Variants in FHOD3 observed in about 807,000 individuals in gnomAD.
FHOD3 encodes FH1/FH2 domain-containing protein 3.
Under a neutral mutation model 173.0 loss-of-function variants are expected in FHOD3, and 90 were observed. The observed-to-expected ratio is 0.52, with a 90% CI of 0.44 to 0.62. FHOD3 has a LOEUF of 0.62. Ranked by LOEUF, FHOD3 falls within the 20% of genes least tolerant of loss-of-function variation. The pLI is 0.00. For missense variants in FHOD3, 1,945 were observed against 2,034.7 expected, an observed-to-expected ratio of 0.96 and a Z score of 0.85; for synonymous variants, 828 against 823.0, an observed-to-expected ratio of 1.01 and a Z score of -0.10.
intron 10 of FHOD3, among the ~76,000 whole-genome samples, chr18:36,642,496 G>T (rs1417198108): frequency 6.9e-6 from 1 of 145,286 alleles, no homozygotes; most frequent in Non-Finnish European, 1.5e-5. Context: ...GCGGGTGCCT[G>T]TAGTTCCAGC....
chr18:36,632,698 A>G lies in FHOD3; in HGVS notation c.1196+6949A>G, dbSNP rs530084990. On this transcript the variant is annotated intron_variant, in intron 10 of 28. Transcript: ENST00000590592. ...CTCTGCGTTGTCCTGGGAAAATGCTATGCTCTTCTTCCTTCCATGTCTAGG... is the reference window on the plus strand; with the variant it reads ...CTCTGCGTTGTCCTGGGAAAATGCTGTGCTCTTCTTCCTTCCATGTCTAGG... 1.2e-4 allele frequency among the ~76,000 whole-genome samples: 18 copies of G among 152,206 alleles called. No homozygotes were observed. The South Asian group carries it at 2.7e-3, about 23-fold the overall frequency.
At chr18:36,736,731 G>A (rs1201678290) in intron 20 of FHOD3, among the ~76,000 whole-genome samples, 1 of 152,182 alleles carries the variant, frequency 6.6e-6, no homozygotes, top group African/African-American at 2.4e-5. Flanking sequence ...GGTACAGGAT[G>A]GGGGTGGGGC....
intron 3 of FHOD3, among the ~76,000 whole-genome samples, chr18:36,485,983 C>T (rs559446284): frequency 6.6e-6 from 1 of 152,182 alleles, no homozygotes; most frequent in Non-Finnish European, 1.5e-5. Context: ...TAGGGCCCTC[C>T]TCTGTTCCAT....
intron 10 of FHOD3, among the ~76,000 whole-genome samples, chr18:36,642,447 G>A (rs945087603): frequency 1.3e-5 from 2 of 151,904 alleles, no homozygotes; most frequent in South Asian, 2.1e-4. Context: ...GTGAAACCCC[G>A]TCTCTACTAA....
chr18:36,362,715 T>G (rs996884820), intron 2 of FHOD3, among the ~76,000 whole-genome samples: 2 of 152,142 alleles, frequency 1.3e-5, no homozygotes. Flanking sequence ...ACCCAGATGA[T>G]CCATTGAAAC....
intron 19 of FHOD3, among the ~76,000 whole-genome samples, chr18:36,719,658 G>A (rs2040650853): frequency 6.6e-6 from 1 of 152,226 alleles, no homozygotes; most frequent in Non-Finnish European, 1.5e-5. Context: ...TTAACTCCCT[G>A]CGTTGCTGCA....
At chr18:36,716,365 G>A (rs375267629) in intron 18 of FHOD3, among the ~76,000 whole-genome samples, 49 of 152,352 alleles carry the variant, frequency 3.2e-4, no homozygotes, top group African/African-American at 1.1e-3. Context: ...TGTGGAGGAT[G>A]AAAGAAAAGA....
intron 3 of FHOD3, among the ~76,000 whole-genome samples, chr18:36,480,629 C>T (rs1416307584): frequency 1.3e-5 from 2 of 152,166 alleles, no homozygotes; most frequent in African/African-American, 4.8e-5. Context: ...AGGAGAGTAA[C>T]TTTAGTCATA....
At chr18:36,668,596 C>G (rs2037334436) in intron 14 of FHOD3, among the ~76,000 whole-genome samples, 1 of 151,714 alleles carries the variant, frequency 6.6e-6, no homozygotes, top group South Asian at 2.1e-4. Context: ...GACTTTTTAT[C>G]TTTTCTAATA....
At chr18:36,607,723 T>C (rs1199643473) in intron 8 of FHOD3, among the ~76,000 whole-genome samples, 1 of 152,182 alleles carries the variant, frequency 6.6e-6, no homozygotes, top group South Asian at 2.1e-4. Context: ...TACAACTCCT[T>C]CAATATTTTT....
chr18:36,702,528 T>C (rs1461762911), intron 17 of FHOD3, among the ~76,000 whole-genome samples: 2 of 151,444 alleles, frequency 1.3e-5, no homozygotes, highest in African/African-American at 4.9e-5. Context: ...GGGAGGTCCC[T>C]GGAATCTACA....
intron 3 of FHOD3, among the ~76,000 whole-genome samples, chr18:36,375,354 G>A (rs1315861898): frequency 2.6e-5 from 4 of 152,182 alleles, no homozygotes; most frequent in Non-Finnish European, 5.9e-5. Flanking sequence ...CAGGCTTGGG[G>A]CACAGTGGCT....
At chr18:36,568,230 C>T (rs1246054489) in intron 5 of FHOD3, among the ~76,000 whole-genome samples, 6 of 143,370 alleles carry the variant, frequency 4.2e-5, no homozygotes, top group South Asian at 2.2e-4. Context: ...TCCAGCTACT[C>T]GGGAGGCTGA....
chr18:36,772,066 G>C (rs2043410483), intron 28 of FHOD3, among the ~76,000 whole-genome samples: 1 of 152,184 alleles, frequency 6.6e-6, no homozygotes, highest in South Asian at 2.1e-4. Context: ...TGTTTTGCCT[G>C]TTTTTGTTGT....
intron 17 of FHOD3, among the ~76,000 whole-genome samples, chr18:36,700,688 C>A (rs74366262): frequency 0.021 from 3,258 of 152,236 alleles, 123 homozygotes; most frequent in African/African-American, 0.074. Context: ...ATCTCTGTAC[C>A]TTTTCTTAAA....
intron 3 of FHOD3, among the ~76,000 whole-genome samples, chr18:36,411,461 A>G (rs1448335671): frequency 6.6e-6 from 1 of 152,238 alleles, no homozygotes; most frequent in African/African-American, 2.4e-5. Context: ...TAACATTCAT[A>G]AAAGGATATT....
Position 36,741,216 on chromosome 18 carries a change from T to C in FHOD3, c.3759+378T>C, listed in dbSNP as rs1384322889. On this transcript the variant is annotated intron_variant, in intron 21 of 28. Coordinates refer to ENST00000590592, the MANE Select transcript of FHOD3 (RefSeq NM_001281740.3). ...TGATAATCACCTAAACTGCCAGTGA[T>C]TGTGGCAATTAGCAGGTCTTTTTAT... is the stretch of plus-strand genomic sequence containing the variant. Among the ~76,000 whole-genome samples, 6 of 152,298 alleles carry C rather than the reference T, an allele frequency of 3.9e-5. No homozygotes were observed. The East Asian group carries it at 5.8e-4, about 15-fold the overall frequency.
intron 16 of FHOD3, 104 bp downstream of exon 16, chr18:36,687,282 A>G: frequency 6.0e-6 from 5 of 834,598 alleles, no homozygotes; most frequent in Non-Finnish European, 9.6e-6. Context: ...TGCTTCACCT[A>G]AAACCTTACA....
intron 3 of FHOD3, among the ~76,000 whole-genome samples, chr18:36,432,361 G>A (rs748168530): frequency 8.5e-5 from 13 of 152,152 alleles, no homozygotes; most frequent in South Asian, 4.1e-4. Flanking sequence ...TAAGAAATTC[G>A]TGAGATGCAG....
Sources: gnomAD v4.1 joint callset for allele counts (sites outside exome capture counted in the v4.1 genomes callset) on GRCh38, gnomAD v4.1.1 for gene constraint, MANE v1.5 for transcripts, NCBI Gene and HGNC (gene_info 2026-07-23, HGNC 2026-07-21) for gene names.